Variants in DPYD observed in about 807,000 individuals in gnomAD.
DPYD encodes dihydropyrimidine dehydrogenase [NADP(+)].
DPYD carries 109 observed loss-of-function variants against 116.2 expected under a neutral mutation model. That is an observed-to-expected ratio of 0.94 (90% CI 0.80 to 1.10). DPYD has a LOEUF of 1.10. Among genes scored for constraint, DPYD ranks in the 50% least tolerant of loss-of-function variants. DPYD has a pLI of 0.00. For synonymous variants in DPYD, 440 were observed against 432.0 expected, an observed-to-expected ratio of 1.02 and a Z score of -0.23; for missense variants, 1,302 against 1,254.5, an observed-to-expected ratio of 1.04 and a Z score of -0.57.
At chr1:97,595,316 A>T (rs1654801851) in intron 8 of DPYD, 150 bp from the exon 9 acceptor site, 1 of 632,606 alleles carries the variant, frequency 1.6e-6, no homozygotes, top group African/African-American at 1.8e-5. Flanking sequence ...TGTACATAAT[A>T]CAGTCTAACG....
At chr1:97,142,558 T>A (rs1490328775) in intron 20 of DPYD, among the ~76,000 whole-genome samples, 1 of 152,190 alleles carries the variant, frequency 6.6e-6, no homozygotes, top group Non-Finnish European at 1.5e-5. Context: ...CATATCTCCG[T>A]CAGATTTCAT....
At chr1:97,780,778 T>C (rs1333819199) in intron 3 of DPYD, among the ~76,000 whole-genome samples, 3 of 152,198 alleles carry the variant, frequency 2.0e-5, no homozygotes, top group Admixed American at 2.0e-4. Flanking sequence ...CTGTATTGCA[T>C]GGATCTCTGG....
chr1:97,740,311 A>G, intron 4 of DPYD, 81 bp downstream of exon 4: 1 of 1,182,804 alleles, frequency 8.5e-7, no homozygotes, highest in South Asian at 1.2e-5. Flanking sequence ...TGCTAAGACA[A>G]GCTGTATTCT....
At chr1:97,740,370 G>A (rs570018998) in intron 4 of DPYD, 22 bp downstream of exon 4, 43 of 1,564,064 alleles carry the variant, frequency 2.7e-5, no homozygotes, top group Non-Finnish European at 3.6e-5. Flanking sequence ...ATTTTCATTT[G>A]CAGAGTTAAA....
chr1:97,717,982 C>T (rs372992545), intron 5 of DPYD, among the ~76,000 whole-genome samples: 32 of 152,008 alleles, frequency 2.1e-4, no homozygotes, highest in East Asian at 1.7e-3. Context: ...TGGGTAGATA[C>T]GCAGTAGTAG....
Position 97,107,769 on chromosome 1 carries a change from T to C in DPYD, c.2623-9137A>G, listed in dbSNP as rs538913258. Among the ~76,000 whole-genome samples, 3 of 152,262 alleles carry C rather than the reference T, an allele frequency of 2.0e-5. No homozygotes were observed. The South Asian group carries it at 6.2e-4, about 32-fold the overall frequency. On this transcript the variant is annotated intron_variant, in intron 20 of 22. Transcript: ENST00000370192. Reference sequence around the variant, plus strand: ...CTGCCTGATAGACTCTGTGCTATCCTGCCACTCATACTTCTTTGTAGTCCT... The same window carrying C: ...CTGCCTGATAGACTCTGTGCTATCCCGCCACTCATACTTCTTTGTAGTCCT...
In DPYD at chr1:97,622,761, G is replaced by C. The variant is rs1571077754; in HGVS notation, c.851-27595C>G. ...AAAAGTTTATTTAAAAAGATACCGAGGAATAAAAGACTAAGTTGCATGAAG... is the reference window on the plus strand; with the variant it reads ...AAAAGTTTATTTAAAAAGATACCGACGAATAAAAGACTAAGTTGCATGAAG... On this transcript the variant is annotated intron_variant, in intron 8 of 22. Transcript: ENST00000370192. Among the ~76,000 whole-genome samples, 3 of 151,852 alleles carry C rather than the reference G, an allele frequency of 2.0e-5. No individual in the cohort carries two copies. The East Asian group carries it at 5.8e-4, about 29-fold the overall frequency.
intron 11 of DPYD, among the ~76,000 whole-genome samples, chr1:97,562,897 T>C (rs1454875019): frequency 6.6e-6 from 1 of 152,004 alleles, no homozygotes; most frequent in Non-Finnish European, 1.5e-5. Context: ...TTTTTGTTTT[T>C]TCAGTAGAGA....
chr1:97,726,459 C>T (rs1663267377), intron 4 of DPYD, among the ~76,000 whole-genome samples: 1 of 151,586 alleles, frequency 6.6e-6, no homozygotes, highest in South Asian at 2.1e-4. Context: ...GCCCACTGAT[C>T]TCTTCACTTA....
At chr1:97,535,575 G>C (rs914553038) in intron 12 of DPYD, among the ~76,000 whole-genome samples, 4 of 152,028 alleles carry the variant, frequency 2.6e-5, no homozygotes, top group Non-Finnish European at 5.9e-5. Flanking sequence ...TGCTATATGG[G>C]TAAGGAAATA....
At chr1:97,272,723 T>C (rs1664670515) in intron 18 of DPYD, among the ~76,000 whole-genome samples, 1 of 152,142 alleles carries the variant, frequency 6.6e-6, no homozygotes, top group South Asian at 2.1e-4. Context: ...CAAGCTTTTT[T>C]TCTTTTTGAC....
chr1:97,307,184 T>G (rs1667224762), intron 16 of DPYD, among the ~76,000 whole-genome samples: 2 of 151,910 alleles, frequency 1.3e-5, no homozygotes, highest in African/African-American at 4.8e-5. Flanking sequence ...AAATTTATTC[T>G]GACAGGTACT....
At chr1:97,247,913 T>A (rs1481817481) in intron 18 of DPYD, among the ~76,000 whole-genome samples, 1 of 152,232 alleles carries the variant, frequency 6.6e-6, no homozygotes, top group Non-Finnish European at 1.5e-5. Flanking sequence ...ATGGCTTCGC[T>A]GGTAAATTCT....
At chr1:97,555,310 T>C (rs927375446) in intron 11 of DPYD, among the ~76,000 whole-genome samples, 2 of 152,244 alleles carry the variant, frequency 1.3e-5, no homozygotes, top group Non-Finnish European at 2.9e-5. Flanking sequence ...TCAGAAATCA[T>C]AGTCATTTAG....
chr1:97,652,218 G>A (rs1392650110), intron 8 of DPYD, among the ~76,000 whole-genome samples: 1 of 151,982 alleles, frequency 6.6e-6, no homozygotes, highest in Admixed American at 6.6e-5. Flanking sequence ...CTGCAAAAGA[G>A]AATTTTAGAA....
chr1:97,190,206 C>T (rs897429907), intron 20 of DPYD, among the ~76,000 whole-genome samples: 3 of 152,076 alleles, frequency 2.0e-5, no homozygotes, highest in Non-Finnish European at 4.4e-5. Flanking sequence ...CTCTGGCATT[C>T]CTCTCCTGCC....
At chr1:97,549,451 T>C in intron 12 of DPYD, 109 bp downstream of exon 12, 2 of 1,183,420 alleles carry the variant, frequency 1.7e-6, no homozygotes, top group Non-Finnish European at 2.5e-6. Flanking sequence ...ATATTGTATA[T>C]ATGCTTATTA....
chr1:97,421,296 A>G (rs773253720), intron 14 of DPYD, among the ~76,000 whole-genome samples: 3 of 152,164 alleles, frequency 2.0e-5, no homozygotes, highest in Admixed American at 6.5e-5. Context: ...ATCTTCATGT[A>G]TTGTATCAAA....
chr1:97,084,664 A>G (rs1294171336), intron 21 of DPYD, among the ~76,000 whole-genome samples: 1 of 152,128 alleles, frequency 6.6e-6, no homozygotes, highest in East Asian at 1.9e-4. Context: ...TAAAGTACCC[A>G]ATTAAGTAAA....
Sources: allele counts gnomAD v4.1 joint callset (sites outside exome capture counted in the v4.1 genomes callset), GRCh38; gene constraint gnomAD v4.1.1; transcripts MANE v1.5; gene names NCBI Gene and HGNC (gene_info 2026-07-23, HGNC 2026-07-21).